The following LINGO2 variants were observed in gnomAD, a reference collection of about 807,000 sequenced individuals.
LINGO2 encodes leucine-rich repeat and immunoglobulin-like domain-containing nogo receptor-interacting protein 2.
A neutral mutation model predicts 30.6 loss-of-function variants in LINGO2; 14 were observed. The observed-to-expected ratio is 0.46, with a 90% CI of 0.30 to 0.72. The LOEUF (loss-of-function observed/expected upper bound fraction) is 0.72. Among genes scored for constraint, LINGO2 ranks in the 30% least tolerant of loss-of-function variants. The pLI, the probability that LINGO2 is intolerant of heterozygous loss-of-function variation, is 0.07. For synonymous variants in LINGO2, 317 were observed against 288.5 expected (o/e 1.10, Z -1.00); for missense variants, 729 against 751.7 (o/e 0.97, Z 0.35).
At chr9:28,640,655 G>A (rs940190689) in intron 1 of LINGO2, among the ~76,000 whole-genome samples, 2 of 151,664 alleles carry the variant, frequency 1.3e-5, no homozygotes, top group South Asian at 2.1e-4. Context: ...CGTAGTTCTC[G>A]TGCCATGGTT....
the LINGO2 span, among the ~76,000 whole-genome samples, chr9:29,158,066 G>A: frequency 6.6e-6 from 1 of 151,956 alleles, no homozygotes; most frequent in Non-Finnish European, 1.5e-5. Context: ...TTCTAGGCTG[G>A]GCATGGTGGC....
the LINGO2 span, among the ~76,000 whole-genome samples, chr9:29,121,904 A>C: frequency 6.6e-6 from 1 of 152,090 alleles, no homozygotes; most frequent in South Asian, 2.1e-4. Context: ...TTCAGTTAAA[A>C]ATCTTATTTA....
the LINGO2 span, among the ~76,000 whole-genome samples, chr9:29,012,112 C>T: frequency 6.6e-6 from 1 of 152,080 alleles, no homozygotes; most frequent in Non-Finnish European, 1.5e-5. Flanking sequence ...AATCCCAGTA[C>T]TTTGGGAGGC....
At chr9:28,509,854 A>G (rs1016329127) in intron 1 of LINGO2, among the ~76,000 whole-genome samples, 4 of 152,232 alleles carry the variant, frequency 2.6e-5, no homozygotes, top group Non-Finnish European at 5.9e-5. Context: ...GCAGACTAAT[A>G]CATGTATAGT....
At chr9:28,136,731 T>TTG (rs1440782194) in intron 4 of LINGO2, among the ~76,000 whole-genome samples, 2 of 152,140 alleles carry the variant, frequency 1.3e-5, no homozygotes, top group Non-Finnish European at 2.9e-5. Flanking sequence ...GTGGTAAATT[T>TTG]TGTGTGTCAA....
chr9:29,000,310 A>C, the LINGO2 span, among the ~76,000 whole-genome samples: 3 of 151,728 alleles, frequency 2.0e-5, no homozygotes, highest in Non-Finnish European at 3.0e-5. Context: ...AAAAAGACTT[A>C]ATATAAATTT....
the LINGO2 span, among the ~76,000 whole-genome samples, chr9:28,736,785 T>C: frequency 1.2e-4 from 19 of 152,080 alleles, no homozygotes; most frequent in Admixed American, 5.2e-4. Context: ...AGCGAAACTC[T>C]ATCACAAAAT....
intron 3 of LINGO2, among the ~76,000 whole-genome samples, chr9:28,314,869 C>T (rs1172395202): frequency 6.6e-6 from 1 of 151,332 alleles, no homozygotes. Context: ...CCTGTAGTCC[C>T]AGCTACTCGG....
At chr9:28,753,928 C>T in the LINGO2 span, among the ~76,000 whole-genome samples, 922 of 151,752 alleles carry the variant, frequency 6.1e-3, 9 homozygotes, top group Middle Eastern at 0.01. Context: ...GAATGTTTTG[C>T]ATTACAATAA....
intron 2 of LINGO2, among the ~76,000 whole-genome samples, chr9:28,428,797 G>C (rs1025415462): frequency 1.3e-5 from 2 of 152,056 alleles, no homozygotes; most frequent in African/African-American, 4.8e-5. Context: ...CAACTTACTT[G>C]AATTTTTCAA....
At position 27,981,560 on chromosome 9, in the gene LINGO2, GAAAA is replaced by G. The variant is rs1318410176; in HGVS notation, c.-36+30791_-36+30794del. On this transcript the variant is annotated intron_variant, in intron 5 of 5. Transcript: ENST00000379992. ...AAAAAAAAAAAAAAAAGAAAAAAAAGAAAAAAAAAGAAAAAAAAAAGAAAAAAAA... is the reference window on the plus strand; with the variant it reads ...AAAAAAAAAAAAAAAAGAAAAAAAAGAAAAAGAAAAAAAAAAGAAAAAAAA... Among the ~76,000 whole-genome samples, 102 of 87,322 alleles carry G rather than the reference GAAAA, an allele frequency of 1.2e-3. 4 individuals are homozygous for G. The highest frequency in any genetic ancestry group is 2.0e-3 in the Non-Finnish European group (87 of 43,818). 57.3% of individuals were successfully genotyped at this position (87,322 alleles called of 152,430 possible).
intron 5 of LINGO2, among the ~76,000 whole-genome samples, chr9:27,997,428 C>T (rs1490468568): frequency 6.6e-6 from 1 of 151,922 alleles, no homozygotes; most frequent in Non-Finnish European, 1.5e-5. Flanking sequence ...AAATCTGAGT[C>T]CAGATGAACT....
chr9:28,550,522 T>C (rs1452299341), intron 1 of LINGO2, among the ~76,000 whole-genome samples: 3 of 151,922 alleles, frequency 2.0e-5, no homozygotes, highest in African/African-American at 7.2e-5. Flanking sequence ...ATATTTATTT[T>C]ATTATATCTT....
At chr9:28,025,255 A>G (rs1351550284) in intron 4 of LINGO2, among the ~76,000 whole-genome samples, 1 of 152,158 alleles carries the variant, frequency 6.6e-6, no homozygotes, top group Non-Finnish European at 1.5e-5. Context: ...GACCAAGACA[A>G]AATATTTCTT....
intron 1 of LINGO2, among the ~76,000 whole-genome samples, chr9:28,572,732 C>T (rs889546270): frequency 6.6e-6 from 1 of 152,236 alleles, no homozygotes; most frequent in Non-Finnish European, 1.5e-5. Flanking sequence ...TTTAGTCCAA[C>T]AGCTTCCAGA....
the LINGO2 span, among the ~76,000 whole-genome samples, chr9:28,850,788 G>A: frequency 4.6e-5 from 7 of 151,966 alleles, no homozygotes; most frequent in Admixed American, 1.3e-4. Flanking sequence ...CTTTGTGCTC[G>A]TGTTTGAATA....
the LINGO2 span, among the ~76,000 whole-genome samples, chr9:28,706,049 T>C: frequency 6.6e-6 from 1 of 152,248 alleles, no homozygotes; most frequent in East Asian, 1.9e-4. Context: ...AAAAATAATT[T>C]CTAAACTGAG....
At chr9:28,960,725 A>G in the LINGO2 span, among the ~76,000 whole-genome samples, 17,350 of 149,500 alleles carry the variant, frequency 0.12, 1,008 homozygotes, top group South Asian at 0.15. Flanking sequence ...GATGTAACTT[A>G]TAAATAGGTT....
chr9:28,869,727 G>A, the LINGO2 span, among the ~76,000 whole-genome samples: 615 of 151,984 alleles, frequency 4.0e-3, 2 homozygotes, highest in Non-Finnish European at 6.5e-3. Flanking sequence ...ATCAATAGGT[G>A]ATCAATAGGT....
Sources: allele counts gnomAD v4.1 joint callset (sites outside exome capture counted in the v4.1 genomes callset), GRCh38; gene constraint gnomAD v4.1.1; transcripts MANE v1.5; gene names NCBI Gene and HGNC (gene_info 2026-07-23, HGNC 2026-07-21).